DCT: variants seen among roughly 807,000 people sequenced by gnomAD.
DCT encodes dopachrome tautomerase, also known as L-dopachrome tautomerase.
A neutral mutation model predicts 53.0 loss-of-function variants in DCT; 47 were observed. That is an observed-to-expected ratio of 0.89 (90% CI 0.70 to 1.13). DCT has a LOEUF of 1.13. Among genes scored for constraint, DCT ranks in the 50% most tolerant of loss-of-function variants. DCT has a pLI of 0.00. For missense variants in DCT, 669 were observed against 637.4 expected (o/e 1.05, Z -0.53); for synonymous variants, 244 against 237.0 (o/e 1.03, Z -0.27).
intron 4 of DCT, among the ~76,000 whole-genome samples, chr13:94,463,420 C>A (rs1277152839): frequency 1.3e-5 from 2 of 152,002 alleles, no homozygotes; most frequent in Non-Finnish European, 2.9e-5. Flanking sequence ...GGACTACAGG[C>A]ACATGCCACC....
At chr13:94,545,774 G>A in the DCT span, among the ~76,000 whole-genome samples, 2 of 151,900 alleles carry the variant, frequency 1.3e-5, no homozygotes, top group East Asian at 1.9e-4. Context: ...ATATATAAGC[G>A]GTGTGTGTAT....
At chr13:94,490,280 G>T in the DCT span, among the ~76,000 whole-genome samples, 2 of 152,066 alleles carry the variant, frequency 1.3e-5, no homozygotes, top group South Asian at 4.2e-4. Flanking sequence ...TGAGGTGAGT[G>T]GATCACCTGA....
At chr13:94,481,119 T>C (rs1218441561), upstream of DCT, among the ~76,000 whole-genome samples, 1 of 152,198 alleles carries the variant, frequency 6.6e-6, no homozygotes, top group Non-Finnish European at 1.5e-5. Flanking sequence ...CCCATGGCCT[T>C]CTCCCCATCT....
the DCT span, among the ~76,000 whole-genome samples, chr13:94,547,981 A>AT: frequency 7.4e-3 from 835 of 112,124 alleles, no homozygotes; most frequent in Middle Eastern, 0.021. Context: ...AAAAAAAAAA[A>AT]AAAATATATA....
chr13:94,538,014 T>G, the DCT span, among the ~76,000 whole-genome samples: 1 of 152,174 alleles, frequency 6.6e-6, no homozygotes, highest in African/African-American at 2.4e-5. Flanking sequence ...AATCCTGACC[T>G]TAAGGAGATA....
At chr13:94,456,379 T>C (rs1234795702) in intron 6 of DCT, among the ~76,000 whole-genome samples, 1 of 152,118 alleles carries the variant, frequency 6.6e-6, no homozygotes, top group East Asian at 1.9e-4. Flanking sequence ...ACCTTTACTC[T>C]CCCTCTTCAT....
At chr13:94,484,198 G>C (rs1473884602), upstream of DCT, among the ~76,000 whole-genome samples, 1 of 152,148 alleles carries the variant, frequency 6.6e-6, no homozygotes, top group Non-Finnish European at 1.5e-5. Context: ...TCAAAGTAGA[G>C]GTCAGTGATG....
At chr13:94,444,281 CT>C (rs1303159594) in intron 6 of DCT, 13 of 370,282 alleles carry the variant, frequency 3.5e-5, no homozygotes, top group South Asian at 1.3e-4. Flanking sequence ...ATCCCAAACA[CT>C]TCTGGTCCCA....
rs201705606 is a variant in DCT, at chr13:94,440,055, C to A, written c.1403G>T (p.Gly468Val). 1.1e-5 allele frequency: 17 copies of A among 1,613,766 alleles called. No individual in the cohort carries two copies. In the East Asian group the frequency reaches 3.6e-4, roughly 34 times the overall value. ...GACTACTAAGAGAGTTGTGGGCCAA[C>A]CTGGAGTTTCTTCAACTGAAACTAA... ...DLPVSVEETP[G>V]WPTTLLVVMG... The change falls in exon 8 of 8, where the codon GGT becomes GTT. Residue 468 changes from glycine (G) to valine (V), a missense_variant. Physicochemically the swap from Gly to Val is moderately radical, Grantham distance 109 (BLOSUM62 -3). Transcript: ENST00000377028.
At chr13:94,520,633 T>A in the DCT span, among the ~76,000 whole-genome samples, 1 of 152,188 alleles carries the variant, frequency 6.6e-6, no homozygotes, top group Non-Finnish European at 1.5e-5. Flanking sequence ...TAGCCTGCCT[T>A]CCTTTCTCTC....
chr13:94,529,050 TA>T, the DCT span, among the ~76,000 whole-genome samples: 2 of 152,154 alleles, frequency 1.3e-5, no homozygotes, highest in African/African-American at 4.8e-5. Flanking sequence ...AGAAGGCCAC[TA>T]CATAATGGCA....
chr13:94,515,269 G>A, the DCT span, among the ~76,000 whole-genome samples: 5 of 152,166 alleles, frequency 3.3e-5, no homozygotes, highest in Non-Finnish European at 7.3e-5. Context: ...AGAGTTCAAG[G>A]GGGATACAGA....
intron 6 of DCT, among the ~76,000 whole-genome samples, chr13:94,449,677 T>C (rs1882957797): frequency 6.6e-6 from 1 of 152,240 alleles, no homozygotes. Context: ...TTGGACTTTT[T>C]AAATGAGAGA....
chr13:94,447,537 A>T (rs1365262896), intron 6 of DCT, among the ~76,000 whole-genome samples: 1 of 152,206 alleles, frequency 6.6e-6, no homozygotes, highest in Admixed American at 6.5e-5. Context: ...GGGGTTGGGG[A>T]CCCCTGCTTT....
At chr13:94,475,300 A>T (rs1461877254) in intron 1 of DCT, among the ~76,000 whole-genome samples, 1 of 152,238 alleles carries the variant, frequency 6.6e-6, no homozygotes, top group East Asian at 1.9e-4. Context: ...CAAGATAAGT[A>T]GAGCCATCCA....
chr13:94,516,152 G>A, the DCT span, among the ~76,000 whole-genome samples: 5 of 149,974 alleles, frequency 3.3e-5, no homozygotes, highest in African/African-American at 9.9e-5. Context: ...GCGCATGACC[G>A]GAGCTGTATA....
chr13:94,543,260 C>T, the DCT span, among the ~76,000 whole-genome samples: 1 of 152,124 alleles, frequency 6.6e-6, no homozygotes, highest in East Asian at 1.9e-4. Flanking sequence ...CCGGTGAGGC[C>T]ACCACCCTTT....
the DCT span, among the ~76,000 whole-genome samples, chr13:94,522,404 GT>G: frequency 6.6e-6 from 1 of 151,986 alleles, no homozygotes; most frequent in Admixed American, 6.6e-5. Flanking sequence ...CAGTTTTAGA[GT>G]TTTAGAACTC....
the DCT span, among the ~76,000 whole-genome samples, chr13:94,486,422 A>G: frequency 6.6e-6 from 1 of 152,286 alleles, no homozygotes. Context: ...CCTCATTCTG[A>G]TGGAGGAGAT....
Sources: allele counts gnomAD v4.1 joint callset (sites outside exome capture counted in the v4.1 genomes callset), GRCh38; gene constraint gnomAD v4.1.1; transcripts MANE v1.5; gene names NCBI Gene and HGNC (gene_info 2026-07-23, HGNC 2026-07-21).